Variants in ZFHX3 observed in about 807,000 individuals in gnomAD.
ZFHX3 encodes zinc finger homeobox protein 3.
A neutral mutation model predicts 279.1 loss-of-function variants in ZFHX3; 42 were observed. The ratio of observed to expected loss-of-function variants is 0.15; its 90% CI spans 0.12 to 0.19. The LOEUF (loss-of-function observed/expected upper bound fraction) is 0.19, where lower values mean the gene tolerates loss of function less well. Among genes scored for constraint, ZFHX3 ranks in the 10% least tolerant of loss-of-function variants. The probability of loss-of-function intolerance (pLI) is 1.00; values close to 1 mark genes in which losing one functional copy is unlikely to be tolerated. For synonymous variants in ZFHX3, 2,293 were observed against 1,957.8 expected (o/e 1.17, Z -4.52); for missense variants, 4,981 against 4,754.0 (o/e 1.05, Z -1.40).
intron 4 of ZFHX3, among the ~76,000 whole-genome samples, chr16:72,838,489 T>A (rs1433742051): frequency 6.6e-6 from 1 of 151,890 alleles, no homozygotes; most frequent in African/African-American, 2.4e-5. Flanking sequence ...CTGTTACGAG[T>A]CCAAAGTGGC....
chr16:73,415,302 C>T (rs1429476780), intron 3 of ZFHX3, among the ~76,000 whole-genome samples: 1 of 152,158 alleles, frequency 6.6e-6, no homozygotes, highest in African/African-American at 2.4e-5. Flanking sequence ...GTCTTGAGGT[C>T]TGCATGTTTT....
intron 2 of ZFHX3, among the ~76,000 whole-genome samples, chr16:73,675,535 A>G (rs1597059961): frequency 6.6e-6 from 1 of 152,048 alleles, no homozygotes; most frequent in Non-Finnish European, 1.5e-5. Context: ...AATGAAACTG[A>G]TAGGATTTCC....
chr16:73,142,375 T>C (rs1966849759), intron 6 of ZFHX3, among the ~76,000 whole-genome samples: 1 of 152,234 alleles, frequency 6.6e-6, no homozygotes, highest in South Asian at 2.1e-4. Context: ...TAGGTCCTAT[T>C]TGCAGACTGC....
chr16:73,885,473 CT>C (rs1485519458), intron 1 of ZFHX3, among the ~76,000 whole-genome samples: 1 of 152,036 alleles, frequency 6.6e-6, no homozygotes, highest in Non-Finnish European at 1.5e-5. Context: ...CAAAATGAGC[CT>C]TTCTAGATCT....
intron 1 of ZFHX3, among the ~76,000 whole-genome samples, chr16:72,965,134 C>T (rs1421423602): frequency 6.6e-6 from 1 of 152,248 alleles, no homozygotes. Flanking sequence ...CCGCCTCGGC[C>T]TCCCAAAGTG....
intron 5 of ZFHX3, among the ~76,000 whole-genome samples, chr16:73,199,975 T>G (rs2144897881): frequency 6.6e-6 from 1 of 152,346 alleles, no homozygotes; most frequent in South Asian, 2.1e-4. Context: ...TTTTAAAAAA[T>G]TAATCACCAC....
chr16:73,866,869 G>A (rs7187014), intron 1 of ZFHX3, among the ~76,000 whole-genome samples: 7,589 of 152,222 alleles, frequency 0.05, 587 homozygotes, highest in African/African-American at 0.16. Context: ...GGCAGCTCTA[G>A]GGAAACCACA....
At chr16:72,897,668 T>C (rs973152669) in intron 3 of ZFHX3, among the ~76,000 whole-genome samples, 2 of 152,140 alleles carry the variant, frequency 1.3e-5, no homozygotes, top group African/African-American at 4.8e-5. Flanking sequence ...CTCAAACTCC[T>C]GGGCTCAAAG....
intron 3 of ZFHX3, among the ~76,000 whole-genome samples, chr16:73,380,235 G>A (rs1330769755): frequency 2.0e-5 from 3 of 151,942 alleles, no homozygotes; most frequent in African/African-American, 7.3e-5. Flanking sequence ...AAGTATATAA[G>A]GGAAAAAAGA....
chr16:73,855,409 G>C (rs1401135183), intron 1 of ZFHX3, among the ~76,000 whole-genome samples: 1 of 152,134 alleles, frequency 6.6e-6, no homozygotes, highest in South Asian at 2.1e-4. Context: ...CAGAGAGGAA[G>C]TCAACTTCCC....
In ZFHX3 at chr16:72,796,996, C is replaced by T. The variant is rs770650936; in HGVS notation, c.5686G>A (p.Ala1896Thr). Residue 1896 changes from alanine (A) to threonine (T), a missense_variant, in exon 9 of 10, where the codon GCC becomes ACC. This residue lies in a region of ZFHX3 where 1,751 missense variants were observed against 1,770.0 expected (regional missense o/e 0.99). Transcript: ENST00000268489. ...EKESQRERDS[A>T]EGGEGNTGPK... ...CCGGTGTTGCCCTCTCCCCCCTCGG[C>T]GCTGTCCCTCTCTCTCTGGCTTTCT... 6.5e-5 allele frequency: 105 copies of T among 1,613,884 alleles called. No homozygotes were observed. Among genetic ancestry groups the T allele is most frequent in the Admixed American group, 6.2e-4 (37 of 59,976 alleles).
chr16:73,853,098 G>C (rs958511993), intron 1 of ZFHX3, among the ~76,000 whole-genome samples: 1 of 152,142 alleles, frequency 6.6e-6, no homozygotes, highest in Non-Finnish European at 1.5e-5. Flanking sequence ...CTAATCATCA[G>C]ATAAATGCAA....
intron 2 of ZFHX3, among the ~76,000 whole-genome samples, chr16:73,627,090 G>A (rs1314951860): frequency 6.6e-6 from 1 of 152,162 alleles, no homozygotes; most frequent in African/African-American, 2.4e-5. Context: ...GCAAAGTTTT[G>A]AAGGAGATAG....
At chr16:73,558,894 T>C (rs1423865103) in intron 2 of ZFHX3, among the ~76,000 whole-genome samples, 1 of 151,380 alleles carries the variant, frequency 6.6e-6, no homozygotes, top group Admixed American at 6.6e-5. Context: ...TTTTTATTTT[T>C]AGTAGAGACA....
intron 3 of ZFHX3, among the ~76,000 whole-genome samples, chr16:72,908,605 C>T (rs1484147147): frequency 6.6e-6 from 1 of 152,186 alleles, no homozygotes. Flanking sequence ...GGAGGACTGG[C>T]TTGCCTCTGG....
chr16:73,103,994 C>T (rs1362526511), intron 7 of ZFHX3, among the ~76,000 whole-genome samples: 2 of 152,208 alleles, frequency 1.3e-5, no homozygotes, highest in African/African-American at 4.8e-5. Context: ...AGTCTCACGG[C>T]TTTGCATGGA....
intron 3 of ZFHX3, among the ~76,000 whole-genome samples, chr16:73,324,273 A>C (rs1368853852): frequency 3.3e-5 from 5 of 152,170 alleles, no homozygotes; most frequent in African/African-American, 1.2e-4. Flanking sequence ...TTGGAGGTGA[A>C]GAGGCTTGGC....
chr16:73,171,996 A>T (rs1967537610), intron 5 of ZFHX3, among the ~76,000 whole-genome samples: 1 of 152,212 alleles, frequency 6.6e-6, no homozygotes, highest in South Asian at 2.1e-4. Flanking sequence ...AAAATGGGAA[A>T]AAATTCCCTT....
At position 73,548,988 on chromosome 16, in the gene ZFHX3, T is replaced by C. The variant is rs79003526; in HGVS notation, c.-1546-92730A>G. 1.6e-3 allele frequency among the ~76,000 whole-genome samples: 244 copies of C among 152,322 alleles called. 7 individuals carry two copies. The East Asian group carries it at 0.041, about 26-fold the overall frequency. On this transcript the variant is annotated intron_variant, in intron 2 of 17. Coordinates refer to the ZFHX3 transcript ENST00000641206. ...TGAAAACAGGCATTTGTTTTTGTTT[T>C]TCTTTTAAAAAAATGTATATGCAAT...
Sources: gnomAD v4.1 joint callset for allele counts (sites outside exome capture counted in the v4.1 genomes callset) on GRCh38, gnomAD v4.1.1 for gene constraint, gnomAD v4.1.1 regional missense constraint, MANE v1.5 for transcripts, NCBI Gene and HGNC (gene_info 2026-07-23, HGNC 2026-07-21) for gene names.